The following ADGRL2 variants were observed in gnomAD, a reference collection of about 807,000 sequenced individuals.
The protein encoded by ADGRL2 is calcium-independent alpha-latrotoxin receptor 2.
ADGRL2 carries 44 observed loss-of-function variants against 157.4 expected under a neutral mutation model. The observed-to-expected ratio is 0.28, with a 90% CI of 0.22 to 0.36. The LOEUF (loss-of-function observed/expected upper bound fraction) is 0.36. ADGRL2 is among the 10% of genes least tolerant of loss of function. The pLI is 1.00. For missense variants in ADGRL2, 1,510 were observed against 1,768.9 expected (o/e 0.85, Z 2.63); for synonymous variants, 585 against 624.7 (o/e 0.94, Z 0.95).
intron 2 of ADGRL2, among the ~76,000 whole-genome samples, chr1:81,871,297 G>A (rs1332837102): frequency 6.6e-6 from 1 of 151,676 alleles, no homozygotes; most frequent in African/African-American, 2.4e-5. Context: ...GTATTCCATG[G>A]TGTATATGTG....
intron 1 of ADGRL2, among the ~76,000 whole-genome samples, chr1:81,381,228 C>T (rs185911387): frequency 2.6e-5 from 4 of 152,102 alleles, no homozygotes; most frequent in Admixed American, 1.3e-4. Flanking sequence ...CTTTACAAAA[C>T]TCTTCAGGGA....
At chr1:81,374,511 G>T (rs1336661650) in intron 1 of ADGRL2, among the ~76,000 whole-genome samples, 1 of 150,368 alleles carries the variant, frequency 6.7e-6, no homozygotes, top group African/African-American at 2.5e-5. Flanking sequence ...GATGGAGGTT[G>T]CAGTGAGCTG....
At chr1:81,936,466 T>A (rs1241542728) in intron 3 of ADGRL2, among the ~76,000 whole-genome samples, 1 of 151,928 alleles carries the variant, frequency 6.6e-6, no homozygotes, top group Non-Finnish European at 1.5e-5. Context: ...TTAAAATGTA[T>A]AACAATGATA....
intron 1 of ADGRL2, chr1:81,722,906 G>C: frequency 1.4e-6 from 1 of 730,238 alleles, no homozygotes; most frequent in Non-Finnish European, 2.5e-6. Flanking sequence ...TGGACTCAAT[G>C]AAATTCTTAG....
chr1:81,736,186 A>C (rs1436045923), intron 1 of ADGRL2, among the ~76,000 whole-genome samples: 5 of 148,410 alleles, frequency 3.4e-5, no homozygotes, highest in Admixed American at 2.7e-4. Flanking sequence ...AATCAGTTTG[A>C]CTCTATGTTA....
chr1:81,767,619 C>CT (rs1379685701), intron 2 of ADGRL2, among the ~76,000 whole-genome samples: 4 of 152,150 alleles, frequency 2.6e-5, no homozygotes, highest in Middle Eastern at 3.4e-3. Context: ...CACTTGTAAT[C>CT]TTAGCACTTT....
intron 2 of ADGRL2, among the ~76,000 whole-genome samples, chr1:81,780,548 C>T (rs2086769955): frequency 6.6e-6 from 1 of 152,150 alleles, no homozygotes; most frequent in Non-Finnish European, 1.5e-5. Context: ...ATCATGACTG[C>T]AAGATAGGGT....
At chr1:81,907,740 C>G (rs1378567924) in intron 3 of ADGRL2, among the ~76,000 whole-genome samples, 2 of 152,028 alleles carry the variant, frequency 1.3e-5, no homozygotes, top group Admixed American at 6.6e-5. Flanking sequence ...GATACTTTGC[C>G]CCACAGCAGT....
At chr1:81,947,321 A>G (rs1385095761) in intron 6 of ADGRL2, among the ~76,000 whole-genome samples, 1 of 152,154 alleles carries the variant, frequency 6.6e-6, no homozygotes, top group Non-Finnish European at 1.5e-5. Flanking sequence ...TTATTCTTTT[A>G]GAGATTTACA....
At chr1:81,387,700 CA>C (rs2076462410) in intron 1 of ADGRL2, among the ~76,000 whole-genome samples, 1 of 152,110 alleles carries the variant, frequency 6.6e-6, no homozygotes, top group Non-Finnish European at 1.5e-5. Context: ...CGGCTGTCTG[CA>C]GTTTCATAAT....
intron 2 of ADGRL2, among the ~76,000 whole-genome samples, chr1:81,895,339 A>T (rs2094359121): frequency 6.6e-6 from 1 of 151,592 alleles, no homozygotes. Context: ...ATTGGTAGGG[A>T]ACTCTTTCAT....
chr1:81,776,369 A>G (rs140880454), intron 2 of ADGRL2, among the ~76,000 whole-genome samples: 12,509 of 152,016 alleles, frequency 0.082, 674 homozygotes, highest in South Asian at 0.13. Context: ...TTGTATTTTC[A>G]GTAGAGATGG....
chr1:81,416,244 A>G (rs2077031880), intron 1 of ADGRL2, among the ~76,000 whole-genome samples: 2 of 152,014 alleles, frequency 1.3e-5, no homozygotes, highest in Middle Eastern at 6.8e-3. Context: ...TTAAAGTGCA[A>G]TATATTTATC....
intron 2 of ADGRL2, among the ~76,000 whole-genome samples, chr1:81,573,624 A>T (rs1383288299): frequency 6.6e-6 from 1 of 152,070 alleles, no homozygotes; most frequent in Non-Finnish European, 1.5e-5. Context: ...GCACAGACTG[A>T]CCTCTGATTT....
chr1:81,516,803 C>A (rs993735515), intron 2 of ADGRL2, among the ~76,000 whole-genome samples: 4 of 152,040 alleles, frequency 2.6e-5, no homozygotes, highest in Non-Finnish European at 5.9e-5. Context: ...TGAGTTTACA[C>A]CCAACCCCTC....
chr1:81,817,683 ATAAAGT>A (rs2090548503), intron 1 of ADGRL2, among the ~76,000 whole-genome samples: 1 of 152,112 alleles, frequency 6.6e-6, no homozygotes, highest in African/African-American at 2.4e-5. Context: ...AATAAAAATC[ATAAAGT>A]TAAATTTGAA....
At chr1:81,935,001 T>C (rs2095289114) in intron 3 of ADGRL2, among the ~76,000 whole-genome samples, 1 of 151,914 alleles carries the variant, frequency 6.6e-6, no homozygotes, top group African/African-American at 2.4e-5. Context: ...GCTGCAAAAG[T>C]TTAAAAAAGA....
intron 1 of ADGRL2, among the ~76,000 whole-genome samples, chr1:81,408,849 T>C (rs1309280167): frequency 2.0e-5 from 3 of 152,216 alleles, no homozygotes; most frequent in Admixed American, 2.0e-4. Flanking sequence ...TAAGCGTTCA[T>C]TAGTTTACAT....
intron 2 of ADGRL2, among the ~76,000 whole-genome samples, chr1:81,559,645 A>G (rs1453988330): frequency 6.6e-6 from 1 of 152,222 alleles, no homozygotes; most frequent in African/African-American, 2.4e-5. Flanking sequence ...AAGTTTATGT[A>G]GAAAGGTTTT....
Sources: allele counts gnomAD v4.1 joint callset (sites outside exome capture counted in the v4.1 genomes callset), GRCh38; gene constraint gnomAD v4.1.1; transcripts MANE v1.5; gene names NCBI Gene and HGNC (gene_info 2026-07-23, HGNC 2026-07-21).